The following AMMECR1 variants were observed in gnomAD, a reference collection of about 807,000 sequenced individuals.
AMMECR1 encodes the protein nuclear protein AMMECR1.
AMMECR1 carries 3 observed loss-of-function variants against 22.5 expected under a neutral mutation model. The observed-to-expected ratio is 0.13, with a 90% confidence interval of 0.06 to 0.35. The LOEUF (loss-of-function observed/expected upper bound fraction) is 0.35. Among genes scored for constraint, AMMECR1 ranks in the 10% least tolerant of loss-of-function variants. AMMECR1 has a pLI of 1.00. For synonymous variants in AMMECR1, 130 were observed against 116.7 expected, an observed-to-expected ratio of 1.11 and a Z score of -0.74; for missense variants, 235 against 278.7, an observed-to-expected ratio of 0.84 and a Z score of 1.12.
chrX:110,231,953 C>T (rs1296255844), intron 2 of AMMECR1, among the ~76,000 whole-genome samples: 1 of 111,527 alleles, frequency 9.0e-6, no homozygotes, highest in African/African-American at 3.3e-5. Flanking sequence ...ATCAATGCAA[C>T]AAGAAGAGCT....
At chrX:110,349,405 C>T (rs773202882) in intron 2 of AMMECR1, among the ~76,000 whole-genome samples, 3 of 111,714 alleles carry the variant, frequency 2.7e-5, no homozygotes, top group Non-Finnish European at 5.6e-5. Flanking sequence ...ACATGGCAAA[C>T]CCCATTACCT....
intron 2 of AMMECR1, among the ~76,000 whole-genome samples, chrX:110,406,914 T>A (rs1002030784): frequency 8.9e-6 from 1 of 112,080 alleles, no homozygotes; most frequent in East Asian, 2.8e-4. Flanking sequence ...GGTTAGAACC[T>A]TCAAGATGTC....
chrX:110,215,515 A>G (rs2067469126), intron 3 of AMMECR1, among the ~76,000 whole-genome samples: 1 of 112,139 alleles, frequency 8.9e-6, no homozygotes, highest in Non-Finnish European at 1.9e-5. Context: ...AGAATAGTTC[A>G]GTTACTATGG....
intron 2 of AMMECR1, among the ~76,000 whole-genome samples, chrX:110,351,527 T>G (rs902088641): frequency 1.8e-5 from 2 of 111,885 alleles, no homozygotes; most frequent in Admixed American, 9.5e-5. Context: ...CTGAGACAAC[T>G]GCATCTTCAC....
rs748630253 is a variant in AMMECR1, at chrX:110,232,848, C to T, written c.585-16216G>A. ...GAGCTTGCAATGAGCTGAGATCGCGCCATTGCACTCCAGCCTGGGTGACAG... is the reference window on the plus strand; with the variant it reads ...GAGCTTGCAATGAGCTGAGATCGCGTCATTGCACTCCAGCCTGGGTGACAG... On this transcript the variant is annotated intron_variant, in intron 2 of 5. Coordinates refer to ENST00000262844, the MANE Select transcript of AMMECR1 (RefSeq NM_015365.3). 9.6e-4 allele frequency among the ~76,000 whole-genome samples: 91 copies of T among 95,011 alleles called. 1 individual carries two copies. Among genetic ancestry groups the T allele is most frequent in the Non-Finnish European group, 4.1e-4 (20 of 48,777 alleles). The allele number at this position is 95,011 out of a possible 115,157, so 82.5% of individuals were successfully genotyped here.
intron 2 of AMMECR1, among the ~76,000 whole-genome samples, chrX:110,221,862 C>T (rs1324669614): frequency 9.1e-6 from 1 of 109,470 alleles, no homozygotes; most frequent in Non-Finnish European, 1.9e-5. Flanking sequence ...TCATCACTGG[C>T]CATCAGAGAA....
rs766808119 is a variant in AMMECR1 at position 110,263,859 on chromosome X, C to G, written c.584+630G>C. 3.3e-4 allele frequency among the ~76,000 whole-genome samples: 37 copies of G among 111,807 alleles called. 1 individual carries two copies. The South Asian group carries it at 0.014, about 42-fold the overall frequency. ...AATTTGCTTGAAATCTAAACTTGAACCAAAAAATTCACATTGTGTGCTAGA... is the reference window on the plus strand; with the variant it reads ...AATTTGCTTGAAATCTAAACTTGAAGCAAAAAATTCACATTGTGTGCTAGA... On this transcript the variant is annotated intron_variant, in intron 2 of 5. Coordinates refer to ENST00000262844, the MANE Select transcript of AMMECR1 (RefSeq NM_015365.3).
At chrX:110,264,391 C>G in intron 2 of AMMECR1, 98 bp downstream of exon 2, 1 of 483,843 alleles carries the variant, frequency 2.1e-6, no homozygotes. Flanking sequence ...AAGACAAGAA[C>G]GTTGACAATT....
chrX:110,265,153 G>A (rs1283038926), intron 1 of AMMECR1, among the ~76,000 whole-genome samples: 3 of 111,596 alleles, frequency 2.7e-5, no homozygotes, highest in Admixed American at 1.9e-4. Context: ...TGCTCTCTAG[G>A]AGCCAGTATA....
chrX:110,342,002 T>G (rs2068166239), intron 2 of AMMECR1, among the ~76,000 whole-genome samples: 1 of 110,706 alleles, frequency 9.0e-6, no homozygotes, highest in Non-Finnish European at 1.9e-5. Context: ...GAGGCTGCAG[T>G]GAGCTGAGAT....
chrX:110,332,242 TAAAGA>T (rs1389150489), intron 2 of AMMECR1, among the ~76,000 whole-genome samples: 2 of 112,114 alleles, frequency 1.8e-5, no homozygotes, highest in Admixed American at 9.5e-5. Flanking sequence ...TTTCATATTC[TAAAGA>T]AAAGAGAATT....
intron 2 of AMMECR1, among the ~76,000 whole-genome samples, chrX:110,404,712 T>C (rs1273493584): frequency 9.0e-6 from 1 of 111,526 alleles, no homozygotes; most frequent in Non-Finnish European, 1.9e-5. Flanking sequence ...AAAGGCCATT[T>C]CTGACCACTT....
chrX:110,361,886 G>T (rs2068265920), intron 2 of AMMECR1, among the ~76,000 whole-genome samples: 1 of 111,840 alleles, frequency 8.9e-6, no homozygotes, highest in African/African-American at 3.3e-5. Context: ...CTCTATCATT[G>T]TTATACAAAA....
At chrX:110,286,456 GC>G (rs1396210115) in intron 1 of AMMECR1, among the ~76,000 whole-genome samples, 53 of 109,743 alleles carry the variant, frequency 4.8e-4, no homozygotes, top group African/African-American at 1.8e-3. Flanking sequence ...GATCACTTGA[GC>G]CCATGAGTTT....
At position 110,197,712 on chromosome X, in the gene AMMECR1, C is replaced by G. The variant is rs1296454021; in HGVS notation, c.*808G>C. The stretch of plus-strand genomic sequence containing the variant: ...GCTGCTCATAAAATGTTTCCTGTAG[C>G]CTTTTTGAAAGGTAGTTTGTACCTT... On this transcript the variant is annotated 3_prime_UTR_variant, in exon 6 of 6. Transcript: ENST00000262844. 1 of 111,937 alleles carries G rather than the reference C, an allele frequency of 8.9e-6. No homozygotes were observed. The highest frequency in any genetic ancestry group is 3.3e-5 in the African/African-American group (1 of 30,753). 9.2% of individuals were successfully genotyped at this position (111,937 alleles called of 1,213,427 possible).
intron 1 of AMMECR1, among the ~76,000 whole-genome samples, chrX:110,293,905 G>T (rs2067921433): frequency 9.0e-6 from 1 of 110,850 alleles, no homozygotes; most frequent in Non-Finnish European, 1.9e-5. Context: ...CCTATATAAG[G>T]CACTTACTTA....
intron 1 of AMMECR1, among the ~76,000 whole-genome samples, chrX:110,432,764 TCCCCAC>T (rs2068807258): frequency 8.9e-6 from 1 of 112,149 alleles, no homozygotes; most frequent in African/African-American, 3.2e-5. Context: ...GCTCTCTCTT[TCCCCAC>T]CCCTGCTTCC....
At chrX:110,346,613 A>T in intron 2 of AMMECR1, 1 of 516,346 alleles carries the variant, frequency 1.9e-6, no homozygotes, top group Non-Finnish European at 3.6e-6. Flanking sequence ...TTACAGGGAT[A>T]AGCTTTTGTA....
chrX:110,201,115 C>T (rs2067394971), intron 4 of AMMECR1, 65 bp from the exon 5 acceptor site: 2 of 751,548 alleles, frequency 2.7e-6, no homozygotes, highest in African/African-American at 4.2e-5. Flanking sequence ...TCATTAAATA[C>T]AAAATGACTT....
Sources: gnomAD v4.1 joint callset for allele counts (sites outside exome capture counted in the v4.1 genomes callset) on GRCh38, gnomAD v4.1.1 for gene constraint, MANE v1.5 for transcripts, NCBI Gene and HGNC (gene_info 2026-07-23, HGNC 2026-07-21) for gene names.